Variants in TMOD3 observed in about 807,000 individuals in gnomAD.
The protein encoded by TMOD3 is tropomodulin 3.
Under a neutral mutation model 39.2 loss-of-function variants are expected in TMOD3, and 20 were observed. The ratio of observed to expected loss-of-function variants is 0.51; its 90% CI spans 0.36 to 0.74. The LOEUF is 0.74. Among genes scored for constraint, TMOD3 ranks in the 30% least tolerant of loss-of-function variants. TMOD3 has a pLI of 0.00. For missense variants in TMOD3, 381 were observed against 412.8 expected (o/e 0.92, Z 0.67); for synonymous variants, 143 against 145.8 (o/e 0.98, Z 0.14).
intron 2 of TMOD3, among the ~76,000 whole-genome samples, chr15:51,868,217 TAC>T: frequency 6.6e-6 from 1 of 152,340 alleles, no homozygotes; most frequent in African/African-American, 2.4e-5. Flanking sequence ...GAATATAATG[TAC>T]AGAGTCATTT....
intron 1 of TMOD3, among the ~76,000 whole-genome samples, chr15:51,845,234 TA>T (rs2056330024): frequency 6.6e-6 from 1 of 152,154 alleles, no homozygotes; most frequent in South Asian, 2.1e-4. Context: ...AGTAGCTGCC[TA>T]AGGACTGAGG....
In TMOD3 at chr15:51,908,825, A is replaced by G. The variant is rs749732321; in HGVS notation, c.*15A>G. On this transcript the variant is annotated 3_prime_UTR_variant, in exon 10 of 10. Coordinates refer to ENST00000308580, the MANE Select transcript of TMOD3 (RefSeq NM_014547.5). ...ATCACCAGTAAGTCTGCAAAGGTGT[A>G]ATCTTTGGAAGACTTCAGAAGATCA... 25 of 1,601,074 alleles carry G rather than the reference A, an allele frequency of 1.6e-5. 1 individual carries two copies. In the Admixed American group the frequency reaches 2.6e-4, roughly 17 times the overall value.
Position 51,889,153 on chromosome 15 carries a change from C to CT in TMOD3, c.496+10dup. ...ACCAAGAACATTTTTCAAGTGAGTACTTAAAATGCTTTGTGAATTCTAATC... is the reference window on the plus strand; with the variant it reads ...ACCAAGAACATTTTTCAAGTGAGTACTTTAAAATGCTTTGTGAATTCTAATC... On this transcript the variant is annotated intron_variant, in intron 5 of 9. Coordinates refer to ENST00000308580, the MANE Select transcript of TMOD3 (RefSeq NM_014547.5). 1 of 1,539,060 alleles carries CT rather than the reference C, an allele frequency of 6.5e-7. No homozygotes were observed. The highest frequency in any genetic ancestry group is 9.0e-7 in the Non-Finnish European group (1 of 1,116,546).
intron 1 of TMOD3, among the ~76,000 whole-genome samples, chr15:51,852,502 T>C (rs138244995): frequency 1.3e-4 from 20 of 152,218 alleles, no homozygotes; most frequent in Non-Finnish European, 2.4e-4. Context: ...TGTTTTTAGC[T>C]GGGGGAGATT....
In TMOD3 at chr15:51,913,945, G is replaced by T. The variant is rs2056722876; in HGVS notation, c.*5135G>T. On this transcript the variant is annotated 3_prime_UTR_variant, in exon 10 of 10. Transcript: ENST00000308580. Reference sequence around the variant, plus strand: ...GCAGAACCGCTTGAGCCTAGGAGGTGGAGGTTGCAGTAAGATGAGATCATG... The same window carrying T: ...GCAGAACCGCTTGAGCCTAGGAGGTTGAGGTTGCAGTAAGATGAGATCATG... 6.6e-6 allele frequency: 1 copy of T among 151,270 alleles called. No individual in the cohort carries two copies. Among genetic ancestry groups the T allele is most frequent in the Non-Finnish European group, 1.5e-5 (1 of 67,990 alleles). 9.4% of individuals were successfully genotyped at this position (151,270 alleles called of 1,614,324 possible).
intron 3 of TMOD3, among the ~76,000 whole-genome samples, chr15:51,869,911 C>T (rs943432753): frequency 6.6e-6 from 1 of 152,010 alleles, no homozygotes; most frequent in African/African-American, 2.4e-5. Context: ...TCAGTGGAGC[C>T]TGAGTACGGC....
intron 8 of TMOD3, 87 bp from the exon 9 acceptor site, chr15:51,901,805 T>C: frequency 7.4e-7 from 1 of 1,347,168 alleles, no homozygotes; most frequent in Admixed American, 2.3e-5. Flanking sequence ...GATCAAAGAA[T>C]TAGCATGTGC....
intron 3 of TMOD3, among the ~76,000 whole-genome samples, chr15:51,883,081 C>T (rs1410573098): frequency 6.6e-6 from 1 of 152,042 alleles, no homozygotes; most frequent in Non-Finnish European, 1.5e-5. Flanking sequence ...TTAAAAAACA[C>T]AATATTGTAC....
At position 51,839,352 on chromosome 15, in the gene TMOD3, A is replaced by G. The variant is rs1025355400; in HGVS notation, c.-75+9516A>G. On this transcript the variant is annotated intron_variant, in intron 1 of 9. Coordinates refer to ENST00000308580, the MANE Select transcript of TMOD3 (RefSeq NM_014547.5). ...GCCTGGCTAATTTTTTGTAATTTTT[A>G]TAGAGATGGGGTCTCTTTATGTTAC... Among the ~76,000 whole-genome samples the G allele has an allele frequency of 4.6e-5, 7 of 151,418 alleles. No individual in the cohort carries two copies. The East Asian group carries it at 1.4e-3, about 29-fold the overall frequency.
Position 51,829,678 on chromosome 15 carries a change from G to C in TMOD3, c.-233G>C, listed in dbSNP as rs1486897750. The C allele has an allele frequency of 1.3e-5, 2 of 152,398 alleles. No individual in the cohort carries two copies. Among genetic ancestry groups the C allele is most frequent in the African/African-American group, 2.4e-5 (1 of 41,474 alleles). 9.4% of individuals were successfully genotyped at this position (152,398 alleles called of 1,614,324 possible). On this transcript the variant is annotated 5_prime_UTR_variant, in exon 1 of 10. Coordinates refer to ENST00000308580, the MANE Select transcript of TMOD3 (RefSeq NM_014547.5). ...GAAGGAGGAACCCACCGCACCTACA[G>C]GGCGGTCGAGTGAGGGAGCTGCTGG...
At chr15:51,836,522 C>G (rs377323518) in intron 1 of TMOD3, among the ~76,000 whole-genome samples, 2 of 151,956 alleles carry the variant, frequency 1.3e-5, no homozygotes, top group African/African-American at 4.8e-5. Context: ...GTCAGGAGAT[C>G]GAGACCATCC....
At chr15:51,834,054 CAT>C (rs973704845) in intron 1 of TMOD3, among the ~76,000 whole-genome samples, 4 of 152,154 alleles carry the variant, frequency 2.6e-5, no homozygotes, top group African/African-American at 9.7e-5. Context: ...AGTGCTTTAT[CAT>C]ATGTTAATTG....
At chr15:51,852,281 C>T (rs1033916788) in intron 1 of TMOD3, among the ~76,000 whole-genome samples, 3 of 152,134 alleles carry the variant, frequency 2.0e-5, no homozygotes, top group African/African-American at 4.8e-5. Context: ...GGAGATTGAG[C>T]ACCCAGGGAT....
chr15:51,840,188 G>T (rs2056306327), intron 1 of TMOD3, among the ~76,000 whole-genome samples: 1 of 152,000 alleles, frequency 6.6e-6, no homozygotes, highest in South Asian at 2.1e-4. Flanking sequence ...CAAAGTGGTG[G>T]GCTAGCACCT....
At chr15:51,905,342 C>T (rs928598057) in intron 9 of TMOD3, among the ~76,000 whole-genome samples, 1 of 152,050 alleles carries the variant, frequency 6.6e-6, no homozygotes, top group Non-Finnish European at 1.5e-5. Flanking sequence ...CAAAAATTAG[C>T]CAGGTGTGGT....
intron 2 of TMOD3, among the ~76,000 whole-genome samples, chr15:51,864,504 C>CTGCCTTGAAAGAAGAGTTTATTA (rs1479338003): frequency 6.6e-6 from 1 of 152,076 alleles, no homozygotes; most frequent in East Asian, 1.9e-4. Flanking sequence ...ACTGAAACTA[C>CTGCCTTGAAAGAAGAGTTTATTA]TGCCTTGAAA....
intron 2 of TMOD3, among the ~76,000 whole-genome samples, chr15:51,868,145 A>G (rs1342294072): frequency 6.6e-6 from 1 of 152,150 alleles, no homozygotes; most frequent in East Asian, 1.9e-4. Context: ...CTGATATCCT[A>G]CTGTATGGTA....
chr15:51,833,669 ATGT>A (rs1204366467), intron 1 of TMOD3, among the ~76,000 whole-genome samples: 1 of 152,152 alleles, frequency 6.6e-6, no homozygotes, highest in African/African-American at 2.4e-5. Context: ...AGATTCATCT[ATGT>A]TGTTGGCAAG....
chr15:51,829,917 G>C (rs1236021344), intron 1 of TMOD3, 81 bp downstream of exon 1: 4 of 152,338 alleles, frequency 2.6e-5, no homozygotes. Context: ...GGCTGAGGAG[G>C]GAGAGGTTGC....
Sources: allele counts gnomAD v4.1 joint callset (sites outside exome capture counted in the v4.1 genomes callset), GRCh38; gene constraint gnomAD v4.1.1; transcripts MANE v1.5; gene names NCBI Gene and HGNC (gene_info 2026-07-23, HGNC 2026-07-21).